N4BP2L1: variants seen among roughly 807,000 people sequenced by gnomAD.
The protein encoded by N4BP2L1 is NEDD4 binding protein 2 like 1, also known as NEDD4-binding protein 2-like 1.
In N4BP2L1, 12 loss-of-function variants were observed where a neutral mutation model predicts 21.2. The ratio of observed to expected loss-of-function variants is 0.57; its 90% CI spans 0.36 to 0.92. The LOEUF (loss-of-function observed/expected upper bound fraction) is 0.92, where lower values mean the gene tolerates loss of function less well. N4BP2L1 is among the 40% of genes least tolerant of loss of function. N4BP2L1 has a pLI of 0.01. For missense variants in N4BP2L1, 259 were observed against 310.6 expected (o/e 0.83, Z 1.25); for synonymous variants, 104 against 112.8 (o/e 0.92, Z 0.49).
intron 1 of N4BP2L1, among the ~76,000 whole-genome samples, chr13:32,422,167 ATAT>A (rs1214501792): frequency 1.0e-4 from 15 of 146,802 alleles, no homozygotes; most frequent in African/African-American, 3.9e-4. Context: ...AATATTTTTT[ATAT>A]TATGAGAAAC....
intron 1 of N4BP2L1, chr13:32,425,466 C>G (rs771680752): frequency 6.6e-6 from 1 of 152,246 alleles, no homozygotes; most frequent in Non-Finnish European, 1.5e-5. Flanking sequence ...GAGCCAGGAT[C>G]CAGGGAACAC....
chr13:32,428,322 C>T, upstream of N4BP2L1: 1 of 360,110 alleles, frequency 2.8e-6, no homozygotes, highest in Non-Finnish European at 5.0e-6. Context: ...CACCCACTCC[C>T]ACCTCGACCC....
intron 1 of N4BP2L1, among the ~76,000 whole-genome samples, chr13:32,413,982 A>C (rs972577244): frequency 6.6e-6 from 1 of 150,618 alleles, no homozygotes; most frequent in Non-Finnish European, 1.5e-5. Flanking sequence ...CCTGGGTTCA[A>C]GCGATTCTCC....
intron 1 of N4BP2L1, among the ~76,000 whole-genome samples, chr13:32,427,591 G>C (rs1474501062): frequency 6.6e-6 from 1 of 152,038 alleles, no homozygotes; most frequent in South Asian, 2.1e-4. Context: ...GCTGGGGCTT[G>C]CGCGAGGCGC....
At chr13:32,421,955 C>A (rs951672384) in intron 1 of N4BP2L1, among the ~76,000 whole-genome samples, 2 of 152,124 alleles carry the variant, frequency 1.3e-5, no homozygotes, top group Admixed American at 1.3e-4. Flanking sequence ...GGAACTAAGG[C>A]ATTGACTTAT....
intron 1 of N4BP2L1, among the ~76,000 whole-genome samples, chr13:32,413,715 T>C (rs1017664743): frequency 2.0e-5 from 3 of 151,982 alleles, no homozygotes; most frequent in African/African-American, 7.2e-5. Context: ...ACAAAAAAAG[T>C]GCAAAAAAGG....
intron 3 of N4BP2L1, among the ~76,000 whole-genome samples, chr13:32,404,666 T>C (rs1288825430): frequency 6.6e-6 from 1 of 150,948 alleles, no homozygotes; most frequent in African/African-American, 2.4e-5. Flanking sequence ...TAAAAATAGA[T>C]GACTGAGCTA....
At chr13:32,410,000 C>G (rs1248389701) in intron 1 of N4BP2L1, among the ~76,000 whole-genome samples, 1 of 152,144 alleles carries the variant, frequency 6.6e-6, no homozygotes, top group African/African-American at 2.4e-5. Context: ...GTCAGAGGAG[C>G]AAAGATCATC....
At position 32,402,900 on chromosome 13, in the gene N4BP2L1, A is replaced by G. The variant is rs766303483; in HGVS notation, c.*42T>C. On this transcript the variant is annotated 3_prime_UTR_variant, in exon 5 of 5. Transcript: ENST00000380130. ...CAAAAAATAACAAAAACTGAAGTAG[A>G]AACTGACTTAGGAAAATTCTGCCTG... 46 of 1,520,172 alleles carry G rather than the reference A, an allele frequency of 3.0e-5. No individual in the cohort carries two copies. The Admixed American group carries it at 3.1e-4, about 10-fold the overall frequency. 94.2% of individuals were successfully genotyped at this position (1,520,172 alleles called of 1,614,324 possible). A position where few individuals can be genotyped will look rare whatever the true frequency, so the allele number is the denominator to read the frequency against.
At chr13:32,410,052 GGATAA>G (rs2073762277) in intron 1 of N4BP2L1, among the ~76,000 whole-genome samples, 1 of 152,212 alleles carries the variant, frequency 6.6e-6, no homozygotes. Context: ...AAAATAAAAG[GGATAA>G]GGTGGATAGT....
intron 3 of N4BP2L1, among the ~76,000 whole-genome samples, chr13:32,404,855 A>G (rs905890850): frequency 1.3e-5 from 2 of 152,044 alleles, no homozygotes; most frequent in Non-Finnish European, 2.9e-5. Context: ...CATACTTCAC[A>G]TCATCTTCCT....
Position 32,402,583 on chromosome 13 carries a change from A to G in N4BP2L1, c.*359T>C. ...ATGGAGATGAATTTCCTGAAAAAAT[A>G]AATAGATCACTTCAGAGCAAATGGT... On this transcript the variant is annotated 3_prime_UTR_variant, in exon 5 of 5. Coordinates refer to ENST00000380130, the MANE Select transcript of N4BP2L1 (RefSeq NM_052818.3). 1 of 999,884 alleles carries G rather than the reference A, an allele frequency of 1.0e-6. No homozygotes were observed. Among genetic ancestry groups the G allele is most frequent in the Non-Finnish European group, 1.2e-6 (1 of 839,648 alleles). The allele number at this position is 999,884 out of a possible 1,614,324, so 61.9% of individuals were successfully genotyped here.
chr13:32,425,364 G>A (rs1056021629), intron 1 of N4BP2L1: 3 of 152,084 alleles, frequency 2.0e-5, no homozygotes, highest in Non-Finnish European at 4.4e-5. Context: ...TCCACCCCAT[G>A]GCATGCCAAG....
chr13:32,407,100 C>G (rs2073560607), intron 3 of N4BP2L1, 150 bp downstream of exon 3: 2 of 736,772 alleles, frequency 2.7e-6, no homozygotes, highest in East Asian at 5.4e-5. Flanking sequence ...CAGAGAAACA[C>G]TAAAATAAAA....
At chr13:32,428,879 C>A (rs944097622), upstream of N4BP2L1, among the ~76,000 whole-genome samples, 1 of 152,182 alleles carries the variant, frequency 6.6e-6, no homozygotes, top group African/African-American at 2.4e-5. Flanking sequence ...AGAGAAGTAT[C>A]CAGACTGAAG....
At chr13:32,428,199 G>C, upstream of N4BP2L1, 1 of 1,086,612 alleles carries the variant, frequency 9.2e-7, no homozygotes, top group Non-Finnish European at 1.2e-6. Flanking sequence ...GCGGGCGCTG[G>C]GAGCCCAGCC....
At position 32,402,803 on chromosome 13, in the gene N4BP2L1, TATA is replaced by T. The variant is rs2073220588; in HGVS notation, c.*136_*138del. On this transcript the variant is annotated 3_prime_UTR_variant, in exon 5 of 5. Transcript: ENST00000380130. Reference sequence around the variant, plus strand: ...AACAAATTTTGGTGAAGAAAGTGAATATAATGACTTTGCTCAGAAACTTTTGAG... The same window carrying T: ...AACAAATTTTGGTGAAGAAAGTGAATATGACTTTGCTCAGAAACTTTTGAG... 1 of 1,415,290 alleles carries T rather than the reference TATA, an allele frequency of 7.1e-7. No individual in the cohort carries two copies. Among genetic ancestry groups the T allele is most frequent in the East Asian group, 2.5e-5 (1 of 39,394 alleles). 87.7% of individuals were successfully genotyped at this position (1,415,290 alleles called of 1,614,324 possible). A position where few individuals can be genotyped will look rare whatever the true frequency, so the allele number is the denominator to read the frequency against.
Position 32,403,074 on chromosome 13 carries a change from C to CCTGTCCT in N4BP2L1, c.593_599dup (p.Asn201GlyfsTer4), listed in dbSNP as rs1468911024. On this transcript the variant is annotated frameshift_variant, in exon 5 of 5. Transcript: ENST00000380130. LOFTEE classifies it low-confidence loss of function (END_TRUNC). ...CATTGTTGGAAGGCAATGCATTATT[C>CCTGTCCT]CTGTCCTGGTTTCTGTTCATTCTGC... is the stretch of plus-strand genomic sequence containing the variant. 1 of 1,613,932 alleles carries CCTGTCCT rather than the reference C, an allele frequency of 6.2e-7. No homozygotes were observed. The highest frequency in any genetic ancestry group is 1.3e-5 in the African/African-American group (1 of 74,882).
intron 1 of N4BP2L1, among the ~76,000 whole-genome samples, chr13:32,426,670 T>G (rs191573416): frequency 5.6e-4 from 86 of 152,276 alleles, no homozygotes; most frequent in African/African-American, 2.0e-3. Flanking sequence ...GGCAGTTCCT[T>G]GGTACCATGG....
Sources: allele counts gnomAD v4.1 joint callset (sites outside exome capture counted in the v4.1 genomes callset), GRCh38; gene constraint gnomAD v4.1.1; transcripts MANE v1.5; gene names NCBI Gene and HGNC (gene_info 2026-07-23, HGNC 2026-07-21).